The following RGS6 variants were observed in gnomAD, a reference collection of about 807,000 sequenced individuals.
RGS6 encodes regulator of G protein signaling 6.
In RGS6, 30 loss-of-function variants were observed where a neutral mutation model predicts 78.5. That is an observed-to-expected ratio of 0.38 (90% CI 0.29 to 0.52). The LOEUF (loss-of-function observed/expected upper bound fraction) is 0.52. Among genes scored for constraint, RGS6 ranks in the 20% least tolerant of loss-of-function variants. RGS6 has a pLI of 0.85. For synonymous variants in RGS6, 206 were observed against 206.0 expected (o/e 1.00, Z 0.00); for missense variants, 495 against 609.7 (o/e 0.81, Z 1.98).
intron 1 of RGS6, among the ~76,000 whole-genome samples, chr14:71,957,772 A>G (rs1455050475): frequency 6.6e-6 from 1 of 151,942 alleles, no homozygotes; most frequent in Non-Finnish European, 1.5e-5. Flanking sequence ...TTTTATTTTT[A>G]TTTTTACTTC....
At chr14:71,919,590 A>G in the RGS6 span, among the ~76,000 whole-genome samples, 1 of 152,290 alleles carries the variant, frequency 6.6e-6, no homozygotes, top group South Asian at 2.1e-4. Flanking sequence ...ACTCCTCTCT[A>G]AAGCCTGCAC....
the RGS6 span, among the ~76,000 whole-genome samples, chr14:72,610,574 C>T: frequency 2.0e-5 from 3 of 152,244 alleles, no homozygotes; most frequent in Admixed American, 6.5e-5. Context: ...ACCCTGAACC[C>T]ACTTGGCAAC....
intron 14 of RGS6, 37 bp from the exon 15 acceptor site, chr14:72,518,313 GC>G: frequency 3.1e-6 from 5 of 1,588,692 alleles, no homozygotes; most frequent in Non-Finnish European, 4.3e-6. Flanking sequence ...CCGATGCTGA[GC>G]CCCCTGGAAC....
intron 15 of RGS6, among the ~76,000 whole-genome samples, chr14:72,531,117 A>C (rs930753605): frequency 3.3e-5 from 5 of 152,202 alleles, no homozygotes; most frequent in Non-Finnish European, 7.3e-5. Context: ...CGTCTGGACT[A>C]TCCAAGTAGT....
At chr14:72,364,503 C>T (rs1163212542) in intron 3 of RGS6, among the ~76,000 whole-genome samples, 1 of 152,146 alleles carries the variant, frequency 6.6e-6, no homozygotes, top group African/African-American at 2.4e-5. Context: ...AGCCAGTTTC[C>T]CATCACAAAC....
At chr14:72,411,561 C>T (rs912978245) in intron 3 of RGS6, among the ~76,000 whole-genome samples, 1 of 152,064 alleles carries the variant, frequency 6.6e-6, no homozygotes, top group African/African-American at 2.4e-5. Flanking sequence ...CCTTTATTTC[C>T]TTCTCCTGCC....
intron 12 of RGS6, among the ~76,000 whole-genome samples, chr14:72,483,653 T>C (rs996487681): frequency 6.6e-6 from 1 of 152,084 alleles, no homozygotes; most frequent in African/African-American, 2.4e-5. Flanking sequence ...TTTGCTTTTA[T>C]GGGATTTCAG....
rs10581212 is a variant in RGS6, at chr14:72,030,980, ATTTT to A, written c.84+66119_84+66122del. Among the ~76,000 whole-genome samples, 421 of 141,662 alleles carry A rather than the reference ATTTT, an allele frequency of 3.0e-3. 4 individuals are homozygous for A. The highest frequency in any genetic ancestry group is 9.6e-3 in the African/African-American group (369 of 38,590). The allele number at this position is 141,662 out of a possible 152,430, so 92.9% of individuals were successfully genotyped here. On this transcript the variant is annotated intron_variant, in intron 2 of 17. Transcript: ENST00000553525. ...TCTAGAAATAAGAACTTTAGCAACA[ATTTT>A]TTTTTTTTTTTTTAGGATTTGAGAT...
Position 72,387,316 on chromosome 14 carries a change from A to G in RGS6, c.184+35122A>G, listed in dbSNP as rs1224484567. ...CCTAATCCCAGCACTTTGGGAGGCC[A>G]AGGTGGGCGGATCACCAGGTCAGGA... On this transcript the variant is annotated intron_variant, in intron 3 of 17. Coordinates refer to ENST00000553525, the MANE Select transcript of RGS6 (RefSeq NM_001204424.2). Among the ~76,000 whole-genome samples the G allele has an allele frequency of 5.3e-5, 8 of 152,150 alleles. No individual in the cohort carries two copies. The East Asian group carries it at 9.6e-4, about 18-fold the overall frequency.
chr14:71,964,646 A>G (rs781724369), intron 1 of RGS6, 126 bp from the exon 2 acceptor site: 17 of 620,218 alleles, frequency 2.7e-5, no homozygotes, highest in Non-Finnish European at 4.7e-5. Flanking sequence ...AACTTTAAAA[A>G]ATGTATCATG....
intron 3 of RGS6, among the ~76,000 whole-genome samples, chr14:72,367,242 TA>T (rs1039158242): frequency 6.6e-5 from 10 of 152,186 alleles, no homozygotes; most frequent in Non-Finnish European, 1.5e-4. Context: ...TGTAACTTGT[TA>T]AAAATAGATT....
chr14:72,483,734 G>A (rs2096430462), intron 12 of RGS6, among the ~76,000 whole-genome samples: 1 of 151,996 alleles, frequency 6.6e-6, no homozygotes, highest in Admixed American at 6.5e-5. Context: ...AAGACCGGAG[G>A]TATCATTACA....
At chr14:72,168,850 C>T (rs918607912) in intron 2 of RGS6, among the ~76,000 whole-genome samples, 1 of 152,266 alleles carries the variant, frequency 6.6e-6, no homozygotes, top group Middle Eastern at 3.4e-3. Context: ...CAGGCAGGAG[C>T]CTTTCTTGCC....
At chr14:71,867,981 C>T in the RGS6 span, among the ~76,000 whole-genome samples, 1 of 152,162 alleles carries the variant, frequency 6.6e-6, no homozygotes, top group African/African-American at 2.4e-5. Context: ...GTCTCACATC[C>T]ATGAGGCCTG....
At chr14:72,004,159 T>G (rs1020907107) in intron 2 of RGS6, among the ~76,000 whole-genome samples, 6 of 152,176 alleles carry the variant, frequency 3.9e-5, no homozygotes, top group African/African-American at 1.4e-4. Context: ...GGAGTCAGCA[T>G]AGTATACATC....
chr14:72,169,835 G>A lies in RGS6; in HGVS notation c.85-182260G>A, dbSNP rs556262867. ...ATAGGGGCACATGGGCACCACCTGA[G>A]AACTCTTTAGGAATGCAGAATCTTT... On this transcript the variant is annotated intron_variant, in intron 2 of 17. Transcript: ENST00000553525. 3.2e-4 allele frequency among the ~76,000 whole-genome samples: 48 copies of A among 152,296 alleles called. No homozygotes were observed. In the South Asian group the frequency reaches 9.7e-3, roughly 31 times the overall value.
intron 2 of RGS6, among the ~76,000 whole-genome samples, chr14:72,315,597 A>T (rs2069923860): frequency 6.6e-6 from 1 of 152,236 alleles, no homozygotes; most frequent in South Asian, 2.1e-4. Context: ...TAAGTTAATT[A>T]GTAGTTTTAA....
intron 2 of RGS6, among the ~76,000 whole-genome samples, chr14:72,146,087 C>T (rs1377771050): frequency 2.6e-5 from 4 of 152,298 alleles, no homozygotes; most frequent in Middle Eastern, 3.4e-3. Flanking sequence ...GCTCTATCAT[C>T]TCATGGTGGA....
At chr14:71,908,230 G>A in the RGS6 span, 4 of 152,242 alleles carry the variant, frequency 2.6e-5, no homozygotes, top group African/African-American at 9.6e-5. Context: ...GAAACATTAG[G>A]TTTGACACCA....
Sources: allele counts gnomAD v4.1 joint callset (sites outside exome capture counted in the v4.1 genomes callset), GRCh38; gene constraint gnomAD v4.1.1; transcripts MANE v1.5; gene names NCBI Gene and HGNC (gene_info 2026-07-23, HGNC 2026-07-21).